CAPS2: variants seen among roughly 807,000 people sequenced by gnomAD.
CAPS2 encodes calcyphosin-2.
A neutral mutation model predicts 86.5 loss-of-function variants in CAPS2; 98 were observed. The ratio of observed to expected loss-of-function variants is 1.13; its 90% CI spans 0.96 to 1.34. CAPS2 has a LOEUF of 1.34. CAPS2 is among the 40% of genes most tolerant of loss of function. The pLI is 0.00. For missense variants in CAPS2, 729 were observed against 686.8 expected (o/e 1.06, Z -0.69); for synonymous variants, 210 against 225.1 (o/e 0.93, Z 0.60).
intron 5 of CAPS2, among the ~76,000 whole-genome samples, chr12:75,317,933 C>T (rs542931849): frequency 5.5e-4 from 83 of 152,154 alleles, no homozygotes; most frequent in African/African-American, 1.9e-3. Context: ...TACAGTAGTT[C>T]CTCAGAACTT....
At chr12:75,303,616 G>T (rs111620436) in intron 8 of CAPS2, among the ~76,000 whole-genome samples, 2,572 of 152,234 alleles carry the variant, frequency 0.017, 67 homozygotes, top group African/African-American at 0.052. Context: ...AATGAAAGTT[G>T]ACTTTTAAAA....
At chr12:75,371,672 AAAGTT>A (rs2044368047) in intron 1 of CAPS2, among the ~76,000 whole-genome samples, 1 of 152,264 alleles carries the variant, frequency 6.6e-6, no homozygotes, top group South Asian at 2.1e-4. Flanking sequence ...GTTATTACAT[AAAGTT>A]AAGAACACTT....
In CAPS2 at chr12:75,291,803, T is replaced by TG. The variant is rs775644009; in HGVS notation, c.1180dup (p.Gln394ProfsTer4). 6.4e-7 allele frequency: 1 copy of TG among 1,553,292 alleles called. No homozygotes were observed. Among genetic ancestry groups the TG allele is most frequent in the Non-Finnish European group, 8.8e-7 (1 of 1,140,652 alleles). ...TTCTTGAATGATTATATCATCCTCC[T>TG]GTTCCATAGAAGCAGTTCTGCAATT... On this transcript the variant is annotated frameshift_variant, in exon 13 of 17. Transcript: ENST00000393284. LOFTEE classifies it high-confidence loss of function.
exon 17 of CAPS2, chr12:75,277,901 A>T: frequency 1.2e-6 from 1 of 827,362 alleles, no homozygotes; most frequent in South Asian, 5.6e-5. Context: ...AATACATGTA[A>T]CTATTAAATA....
chr12:75,322,540 C>T (rs2040402102), intron 4 of CAPS2, among the ~76,000 whole-genome samples: 1 of 152,190 alleles, frequency 6.6e-6, no homozygotes, highest in Non-Finnish European at 1.5e-5. Context: ...TACACCTATA[C>T]TAGTCAGAAT....
intron 1 of CAPS2, among the ~76,000 whole-genome samples, chr12:75,340,554 C>T (rs758091277): frequency 2.0e-5 from 3 of 151,256 alleles, no homozygotes; most frequent in Admixed American, 6.6e-5. Context: ...TTATCAAGAC[C>T]GAAAACTATT....
chr12:75,306,154 G>A (rs1295281168), intron 7 of CAPS2: 4 of 1,018,900 alleles, frequency 3.9e-6, no homozygotes, highest in Non-Finnish European at 6.1e-6. Context: ...CGAGGAGTTC[G>A]TCCAGCAGAA....
At chr12:75,334,645 T>G (rs1329046120), upstream of CAPS2, 3 of 1,548,844 alleles carry the variant, frequency 1.9e-6, no homozygotes, top group South Asian at 2.5e-5. Flanking sequence ...GAGAGCGTGG[T>G]GCGGGGGCGT....
chr12:75,321,657 T>C, intron 4 of CAPS2, 81 bp from the exon 5 acceptor site: 1 of 957,750 alleles, frequency 1.0e-6, no homozygotes. Flanking sequence ...GTTTACCTCT[T>C]ACCTTAGCAT....
intron 1 of CAPS2, among the ~76,000 whole-genome samples, chr12:75,325,904 A>G (rs11180463): frequency 0.17 from 26,413 of 152,054 alleles, 2,731 homozygotes; most frequent in South Asian, 0.4. Context: ...TTTGACAAAG[A>G]AAGTAACAAA....
chr12:75,357,183 C>A (rs1420712636), intron 1 of CAPS2, among the ~76,000 whole-genome samples: 1 of 152,062 alleles, frequency 6.6e-6, no homozygotes, highest in African/African-American at 2.4e-5. Context: ...GTGTGAGACT[C>A]CATCGCTAAA....
chr12:75,355,267 T>G (rs983402824), intron 1 of CAPS2, among the ~76,000 whole-genome samples: 4 of 152,104 alleles, frequency 2.6e-5, no homozygotes, highest in African/African-American at 7.2e-5. Flanking sequence ...TACAAGGAAC[T>G]TAAGTAAACT....
chr12:75,299,106 G>A, intron 9 of CAPS2, 140 bp from the exon 10 acceptor site: 21 of 525,152 alleles, frequency 4.0e-5, no homozygotes, highest in South Asian at 2.0e-4. Context: ...GAAACTGTAG[G>A]GAAAACACAA....
chr12:75,383,515 A>T (rs1257493079), intron 1 of CAPS2, among the ~76,000 whole-genome samples: 1 of 152,202 alleles, frequency 6.6e-6, no homozygotes, highest in Non-Finnish European at 1.5e-5. Flanking sequence ...GCACCTAACA[A>T]GAGAGTGTAG....
chr12:75,318,247 A>G (rs1303385355), intron 5 of CAPS2: 1 of 152,120 alleles, frequency 6.6e-6, no homozygotes, highest in African/African-American at 2.4e-5. Context: ...GTGAGGCACT[A>G]CGAAGTTCCA....
At chr12:75,305,546 C>G (rs11831229) in intron 7 of CAPS2, 56 of 623,222 alleles carry the variant, frequency 9.0e-5, no homozygotes, top group African/African-American at 7.3e-4. Context: ...GGCGTTCCTC[C>G]GTCCGCGACC....
At chr12:75,287,554 T>A (rs147589427) in intron 14 of CAPS2, among the ~76,000 whole-genome samples, 6 of 152,132 alleles carry the variant, frequency 3.9e-5, no homozygotes, top group Non-Finnish European at 8.8e-5. Context: ...GTCATGTCTA[T>A]CCAATGTAGT....
At chr12:75,369,673 G>A (rs996965159) in intron 1 of CAPS2, 6 of 984,906 alleles carry the variant, frequency 6.1e-6, no homozygotes, top group Non-Finnish European at 7.2e-6. Context: ...GAATGAAAGA[G>A]TGGGAAAAAT....
chr12:75,316,591 C>T (rs1261031921), intron 5 of CAPS2, among the ~76,000 whole-genome samples, 157 bp from the exon 6 acceptor site: 3 of 152,076 alleles, frequency 2.0e-5, no homozygotes, highest in African/African-American at 4.8e-5. Context: ...TATTTGAATC[C>T]AGCTCTTCCA....
Sources: allele counts gnomAD v4.1 joint callset (sites outside exome capture counted in the v4.1 genomes callset), GRCh38; gene constraint gnomAD v4.1.1; transcripts MANE v1.5; gene names NCBI Gene and HGNC (gene_info 2026-07-23, HGNC 2026-07-21).